GUSB: variants seen among roughly 807,000 people sequenced by gnomAD.
GUSB encodes glucuronidase beta, also known as beta-glucuronidase.
A neutral mutation model predicts 74.6 loss-of-function variants in GUSB; 51 were observed. The observed-to-expected ratio is 0.68, with a 90% CI of 0.55 to 0.86. The LOEUF (loss-of-function observed/expected upper bound fraction) is 0.86. GUSB is among the 40% of genes least tolerant of loss of function. The pLI is 0.00. For synonymous variants in GUSB, 360 were observed against 348.3 expected, an observed-to-expected ratio of 1.03 and a Z score of -0.37; for missense variants, 736 against 853.7, an observed-to-expected ratio of 0.86 and a Z score of 1.72.
chr7:65,965,027 CCA>C (rs201838878), intron 10 of GUSB, among the ~76,000 whole-genome samples: 2,085 of 152,132 alleles, frequency 0.014, 53 homozygotes, highest in East Asian at 0.09. Flanking sequence ...TGTGTTCACA[CCA>C]CTGCACTCCA....
intron 4 of GUSB, among the ~76,000 whole-genome samples, chr7:65,976,665 G>A (rs1320835154): frequency 6.6e-6 from 1 of 150,912 alleles, no homozygotes; most frequent in Non-Finnish European, 1.5e-5. Flanking sequence ...AGGTGCAGTG[G>A]TCACACCTGT....
chr7:65,976,718 G>A (rs1023451367), intron 4 of GUSB, among the ~76,000 whole-genome samples: 1 of 151,724 alleles, frequency 6.6e-6, no homozygotes, highest in African/African-American at 2.4e-5. Flanking sequence ...GATCGCTTGA[G>A]ACCAGGAGTT....
intron 9 of GUSB, among the ~76,000 whole-genome samples, chr7:65,970,063 C>T (rs1205046764): frequency 6.6e-6 from 1 of 152,114 alleles, no homozygotes; most frequent in Non-Finnish European, 1.5e-5. Flanking sequence ...AACCCCAGCC[C>T]TTTGGGAGGC....
chr7:65,974,807 G>A (rs1227372361), intron 6 of GUSB, 103 bp from the exon 7 acceptor site: 3 of 1,547,734 alleles, frequency 1.9e-6, no homozygotes, highest in Non-Finnish European at 2.7e-6. Context: ...CTCTCCATTT[G>A]GAGCCATTTG....
intron 11 of GUSB, among the ~76,000 whole-genome samples, chr7:65,961,370 G>C (rs1291173747): frequency 6.6e-6 from 1 of 152,110 alleles, no homozygotes; most frequent in African/African-American, 2.4e-5. Context: ...CTGGGCTCAA[G>C]CAATCTGCCC....
chr7:65,981,893 A>G, intron 1 of GUSB, 81 bp downstream of exon 1: 7 of 1,228,970 alleles, frequency 5.7e-6, no homozygotes, highest in Non-Finnish European at 7.9e-6. Flanking sequence ...GCCCAGGGGA[A>G]GAAGTCTGCG....
At position 65,982,202 on chromosome 7, in the gene GUSB, C is replaced by A. The variant is rs771999951; in HGVS notation, c.-19G>T. The A allele has an allele frequency of 1.3e-6, 2 of 1,493,186 alleles. No homozygotes were observed. The highest frequency in any genetic ancestry group is 8.9e-7 in the Non-Finnish European group (1 of 1,120,490). The allele number at this position is 1,493,186 out of a possible 1,614,324, so 92.5% of individuals were successfully genotyped here. On this transcript the variant is annotated 5_prime_UTR_variant, in exon 1 of 12. Transcript: ENST00000304895. ...GGGCCATGCTTCCCGGTCCCCCGCTCGGCCACCGTCTGCGGCGCTAAGAAA... is the reference window on the plus strand; with the variant it reads ...GGGCCATGCTTCCCGGTCCCCCGCTAGGCCACCGTCTGCGGCGCTAAGAAA...
rs780604522 is a variant in GUSB, at chr7:65,975,040, G to A, written c.944C>T (p.Pro315Leu). ...VQLTAQTSLG[P>L]VSDFYTLPVG... ...AGGGAGTGTGTAGAAGTCAGACACA[G>A]GCCCCAGTGACGTCTGTGCAGTCAG... The change falls in exon 6 of 12, where the codon CCT (proline) becomes CTT (leucine). Residue 315 changes from proline to leucine, a missense_variant. This residue lies in a region of GUSB where 368 missense variants were observed against 489.9 expected (regional missense o/e 0.75). Coordinates refer to ENST00000304895, the MANE Select transcript of GUSB (RefSeq NM_000181.4). The A allele has an allele frequency of 1.9e-6, 3 of 1,613,624 alleles. No homozygotes were observed. Among genetic ancestry groups the A allele is most frequent in the Non-Finnish European group, 2.5e-6 (3 of 1,179,648 alleles).
chr7:65,968,902 G>C (rs1030194792), intron 9 of GUSB, among the ~76,000 whole-genome samples: 4 of 152,106 alleles, frequency 2.6e-5, no homozygotes, highest in Non-Finnish European at 5.9e-5. Flanking sequence ...AGAGGATCTT[G>C]AGGGAGCTTT....
In GUSB at chr7:65,981,983, C is replaced by T. The variant is rs551892631; in HGVS notation, c.201G>A (p.Pro67=). 1 of 1,606,994 alleles carries T rather than the reference C, an allele frequency of 6.2e-7. No homozygotes were observed. The highest frequency in any genetic ancestry group is 8.5e-7 in the Non-Finnish European group (1 of 1,178,782). The change falls in exon 1 of 12, where the codon CCG becomes CCA. Residue 67 remains proline, a synonymous_variant. Transcript: ENST00000304895. ...RGFEEQWYRR[P]LWESGPTVDM... is the part of the protein sequence containing the mutation. ...TGCCCCGAGATCGCACCTCCCACAG[C>T]GGCCGCCGGTACCACTGCTCCTCGA...
At chr7:65,967,646 G>A in intron 10 of GUSB, 85 bp downstream of exon 10, 1 of 1,112,872 alleles carries the variant, frequency 9.0e-7, no homozygotes, top group Non-Finnish European at 1.4e-6. Context: ...GGGGAGCAGT[G>A]CAGTGGGCGC....
chr7:65,982,175 C>G lies in GUSB; in HGVS notation c.9G>C (p.Arg3=). 1 of 1,513,408 alleles carries G rather than the reference C, an allele frequency of 6.6e-7. No homozygotes were observed. Among genetic ancestry groups the G allele is most frequent in the East Asian group, 2.6e-5 (1 of 38,454 alleles). The allele number at this position is 1,513,408 out of a possible 1,614,324, so 93.7% of individuals were successfully genotyped here. A position where few individuals can be genotyped will look rare whatever the true frequency, so the allele number is the denominator to read the frequency against. Residue 3 remains arginine, a synonymous_variant, in exon 1 of 12, where the codon CGG becomes CGC. Coordinates refer to ENST00000304895, the MANE Select transcript of GUSB (RefSeq NM_000181.4). MA[R]GSAVAWAALG... is the part of the protein sequence containing the mutation. ...GCGCCGCCCAGGCAACCGCCGACCC[C>G]CGGGCCATGCTTCCCGGTCCCCCGC...
intron 10 of GUSB, 127 bp from the exon 11 acceptor site, chr7:65,964,585 G>T (rs1790711178): frequency 1.3e-6 from 1 of 794,386 alleles, no homozygotes; most frequent in Admixed American, 2.0e-5. Flanking sequence ...GTGACTGCAG[G>T]ACTCACTGAT....
intron 9 of GUSB, among the ~76,000 whole-genome samples, chr7:65,968,289 G>A (rs534113213): frequency 2.7e-5 from 4 of 149,910 alleles, no homozygotes; most frequent in Admixed American, 1.3e-4. Flanking sequence ...GGCTGAGAAC[G>A]TCCAAGTGTA....
In GUSB at chr7:65,980,316, C is replaced by T. The variant is rs1425267512; in HGVS notation, c.304G>A (p.Glu102Lys). The change falls in exon 2 of 12, where the codon GAA (glutamate) becomes AAA (lysine). Residue 102 changes from glutamate (E) to lysine (K), a missense_variant. Glu to Lys is a moderately conservative substitution (Grantham distance 56). Around this residue, in one of 2 missense-constraint regions of GUSB, gnomAD observed 368 missense variants for 363.8 expected, o/e 1.01. Coordinates refer to ENST00000304895, the MANE Select transcript of GUSB (RefSeq NM_000181.4). ...CGCTCCGGCAGGATCACCTCCCGTT[C>T]GTACCACACCCAGCCGACAAAATGC... ...LRHFVGWVWY[E>K]REVILPERWT... The T allele has an allele frequency of 9.3e-6, 15 of 1,613,720 alleles. No homozygotes were observed. The highest frequency in any genetic ancestry group is 1.1e-5 in the Non-Finnish European group (13 of 1,179,866).
chr7:65,979,013 T>C (rs1791792537), intron 4 of GUSB, among the ~76,000 whole-genome samples: 1 of 152,090 alleles, frequency 6.6e-6, no homozygotes, highest in Admixed American at 6.6e-5. Context: ...GTGATCCTTA[T>C]ACCAGGGCCT....
At chr7:65,978,803 GGTCTGC>G (rs1791778593) in intron 4 of GUSB, among the ~76,000 whole-genome samples, 1 of 151,872 alleles carries the variant, frequency 6.6e-6, no homozygotes, top group African/African-American at 2.4e-5. Context: ...AGAAAGACAG[GGTCTGC>G]GTCTGTTGCC....
intron 6 of GUSB, 60 bp downstream of exon 6, chr7:65,974,859 A>C (rs1791458510): frequency 6.3e-7 from 1 of 1,586,534 alleles, no homozygotes. Context: ...GACACAGGGA[A>C]GGCGAAAGTG....
intron 11 of GUSB, among the ~76,000 whole-genome samples, chr7:65,963,065 C>T (rs367841965): frequency 6.6e-4 from 100 of 152,106 alleles, no homozygotes; most frequent in Admixed American, 2.1e-3. Flanking sequence ...TCCATGTTGG[C>T]CATGCTGGTC....
Sources: gnomAD v4.1 joint callset for allele counts (sites outside exome capture counted in the v4.1 genomes callset) on GRCh38, gnomAD v4.1.1 for gene constraint, gnomAD v4.1.1 regional missense constraint, MANE v1.5 for transcripts, NCBI Gene and HGNC (gene_info 2026-07-23, HGNC 2026-07-21) for gene names.